RBMS2: variants seen among roughly 807,000 people sequenced by gnomAD.
RBMS2 encodes the protein RNA binding motif single stranded interacting protein 2.
RBMS2 carries 38 observed loss-of-function variants against 58.4 expected under a neutral mutation model. The ratio of observed to expected loss-of-function variants is 0.65; its 90% CI spans 0.50 to 0.85. The LOEUF (loss-of-function observed/expected upper bound fraction) is 0.85. RBMS2 is among the 40% of genes least tolerant of loss of function. RBMS2 has a pLI of 0.00. For synonymous variants in RBMS2, 151 were observed against 180.7 expected (o/e 0.84, Z 1.32); for missense variants, 367 against 503.7 (o/e 0.73, Z 2.60).
intron 9 of RBMS2, 43 bp from the exon 10 acceptor site, chr12:56,586,806 A>C: frequency 6.6e-7 from 1 of 1,514,766 alleles, no homozygotes; most frequent in East Asian, 2.3e-5. Context: ...GGGCTGAATA[A>C]TAGTTTCCAG....
rs117805790 is a variant in RBMS2, at chr12:56,531,168, T to G, written c.66+9079T>G. Among the ~76,000 whole-genome samples the G allele has an allele frequency of 3.0e-3, 456 of 152,308 alleles. 1 individual carries two copies. The highest frequency in any genetic ancestry group is 5.2e-3 in the Non-Finnish European group (353 of 68,028). ...TATTGGAATCATTTAGGTAATTGTC[T>G]TATCTTCATTGCTAGAGTGTAAGCT... On this transcript the variant is annotated intron_variant, in intron 1 of 13. Transcript: ENST00000262031.
In RBMS2 at chr12:56,595,408, A is replaced by G. The variant is rs1023937832; in HGVS notation, c.*6275A>G. The G allele has an allele frequency of 6.6e-6, 1 of 152,130 alleles. No individual in the cohort carries two copies. The highest frequency in any genetic ancestry group is 1.5e-5 in the Non-Finnish European group (1 of 68,016). 9.4% of individuals were successfully genotyped at this position (152,130 alleles called of 1,614,324 possible). A position where few individuals can be genotyped will look rare whatever the true frequency, so the allele number is the denominator to read the frequency against. ...AGAAAATGTTTATACTTAAACAGAC[A>G]TATTTTGCATATTTTTATCTGGAGA... is the stretch of plus-strand genomic sequence containing the variant. On this transcript the variant is annotated 3_prime_UTR_variant, in exon 14 of 14. Coordinates refer to ENST00000262031, the MANE Select transcript of RBMS2 (RefSeq NM_002898.4).
rs768885557 is a variant in RBMS2 at position 56,581,574 on chromosome 12, A to G, written c.732+66A>G. On this transcript the variant is annotated intron_variant, in intron 7 of 13. Coordinates refer to ENST00000262031, the MANE Select transcript of RBMS2 (RefSeq NM_002898.4). Reference sequence around the variant, plus strand: ...AAAGTGGAACGGAAATGATCATGGCATGATTTCTGTGAGCTTAGGTGGAAA... The same window carrying G: ...AAAGTGGAACGGAAATGATCATGGCGTGATTTCTGTGAGCTTAGGTGGAAA... The G allele has an allele frequency of 4.7e-6, 7 of 1,492,176 alleles. No homozygotes were observed. The Middle Eastern group carries it at 6.9e-4, about 147-fold the overall frequency. 92.4% of individuals were successfully genotyped at this position (1,492,176 alleles called of 1,614,324 possible).
chr12:56,575,264 C>G (rs1055075919), intron 5 of RBMS2, among the ~76,000 whole-genome samples: 1 of 145,574 alleles, frequency 6.9e-6, no homozygotes, highest in Admixed American at 6.9e-5. Flanking sequence ...CCCATCTCTA[C>G]AAAAACAAAA....
At chr12:56,546,738 G>A (rs1402375288) in intron 1 of RBMS2, among the ~76,000 whole-genome samples, 13 of 152,052 alleles carry the variant, frequency 8.5e-5, no homozygotes, top group Admixed American at 4.6e-4. Flanking sequence ...CAAAGTGCTG[G>A]GATTACAGGC....
rs993412275 is a variant in RBMS2, at chr12:56,542,117, A to T, written c.66+20028A>T. On this transcript the variant is annotated intron_variant, in intron 1 of 13. Coordinates refer to ENST00000262031, the MANE Select transcript of RBMS2 (RefSeq NM_002898.4). ...GGTGGAGTGCAGTAGCATGATCACC[A>T]CTCACTACAGCCTCAACCTCTGTGG... Among the ~76,000 whole-genome samples the T allele has an allele frequency of 5.3e-5, 8 of 151,928 alleles. No individual in the cohort carries two copies. In the East Asian group the frequency reaches 1.2e-3, roughly 22 times the overall value.
chr12:56,529,904 T>C (rs559647811), intron 1 of RBMS2, among the ~76,000 whole-genome samples: 31 of 152,266 alleles, frequency 2.0e-4, no homozygotes, highest in African/African-American at 6.7e-4. Flanking sequence ...CTAAGTACCA[T>C]TGAATTTATG....
intron 4 of RBMS2, among the ~76,000 whole-genome samples, chr12:56,571,135 C>A (rs1262664412): frequency 1.3e-5 from 2 of 152,154 alleles, no homozygotes; most frequent in African/African-American, 4.8e-5. Flanking sequence ...AGGAGTAAAA[C>A]CCTCTGACAA....
At chr12:56,522,229 T>G (rs1413333010) in intron 1 of RBMS2, 140 bp downstream of exon 1, 1 of 639,448 alleles carries the variant, frequency 1.6e-6, no homozygotes, top group East Asian at 3.1e-5. Flanking sequence ...GCTTCTCCCT[T>G]TTCCACTACT....
chr12:56,521,427 C>CAAAA (rs35413431), upstream of RBMS2, among the ~76,000 whole-genome samples: 2,856 of 91,110 alleles, frequency 0.031, 215 homozygotes, highest in East Asian at 0.25. Context: ...AACTCTGTCT[C>CAAAA]AAAAAAAAAA....
intron 5 of RBMS2, among the ~76,000 whole-genome samples, chr12:56,579,180 T>C (rs956981608): frequency 6.6e-6 from 1 of 152,120 alleles, no homozygotes; most frequent in Non-Finnish European, 1.5e-5. Flanking sequence ...AGATCAGATT[T>C]AACAGTTTTT....
chr12:56,584,507 C>T (rs1189447984), intron 9 of RBMS2, among the ~76,000 whole-genome samples: 2 of 151,646 alleles, frequency 1.3e-5, no homozygotes, highest in Admixed American at 6.6e-5. Context: ...CTTTTGAGGC[C>T]AGGCACGGTG....
At chr12:56,529,098 T>C (rs1039887713) in intron 1 of RBMS2, among the ~76,000 whole-genome samples, 2 of 151,862 alleles carry the variant, frequency 1.3e-5, no homozygotes, top group Non-Finnish European at 2.9e-5. Flanking sequence ...CCAAGAGAAA[T>C]GGAAACATAT....
At chr12:56,585,916 C>CTG (rs1884601073) in intron 9 of RBMS2, among the ~76,000 whole-genome samples, 2 of 152,224 alleles carry the variant, frequency 1.3e-5, no homozygotes, top group Admixed American at 1.3e-4. Context: ...TGCACTGTGG[C>CTG]TCATACCTGT....
In RBMS2 at chr12:56,581,478, T is replaced by A. The variant is rs1344540964; in HGVS notation, c.702T>A (p.Asn234Lys). ...AGAACCAAGGAAAATTTGTGCAAAA[T>A]GGACGGGCTTGGCCAAGGAATGCAG... is the stretch of plus-strand genomic sequence containing the variant. ...KRQNQGKFVQ[N>K]GRAWPRNADM... The change falls in exon 7 of 14, where the codon AAT (asparagine) becomes AAA (lysine). Residue 234 changes from asparagine to lysine, a missense_variant. Asn to Lys is a moderately conservative substitution (Grantham distance 94). Around this residue, in one of 3 missense-constraint regions of RBMS2, gnomAD observed 220 missense variants for 261.1 expected, o/e 0.84. Coordinates refer to ENST00000262031, the MANE Select transcript of RBMS2 (RefSeq NM_002898.4). 2 of 1,614,164 alleles carry A rather than the reference T, an allele frequency of 1.2e-6. No homozygotes were observed. The highest frequency in any genetic ancestry group is 1.7e-6 in the Non-Finnish European group (2 of 1,180,030).
At chr12:56,554,604 G>C (rs1477115890) in intron 1 of RBMS2, among the ~76,000 whole-genome samples, 1 of 152,142 alleles carries the variant, frequency 6.6e-6, no homozygotes, top group Non-Finnish European at 1.5e-5. Context: ...GGCAGGGTAA[G>C]AGCATCAAGA....
At chr12:56,567,592 T>A (rs1422775438) in intron 2 of RBMS2, among the ~76,000 whole-genome samples, 6 of 152,150 alleles carry the variant, frequency 3.9e-5, no homozygotes. Context: ...ATCCTAGCAC[T>A]TTTGGAGGCC....
At chr12:56,572,645 C>T in intron 5 of RBMS2, 2 of 280,682 alleles carry the variant, frequency 7.1e-6, no homozygotes, top group Non-Finnish European at 1.1e-5. Context: ...GATAAATATT[C>T]TCTATCTTAC....
At chr12:56,576,124 G>T (rs1470958647) in intron 5 of RBMS2, among the ~76,000 whole-genome samples, 3 of 152,038 alleles carry the variant, frequency 2.0e-5, no homozygotes, top group Non-Finnish European at 4.4e-5. Flanking sequence ...GATCACTTGA[G>T]ATCAGGAGGT....
Sources: allele counts gnomAD v4.1 joint callset (sites outside exome capture counted in the v4.1 genomes callset), GRCh38; gene constraint gnomAD v4.1.1; regional missense constraint gnomAD v4.1.1; transcripts MANE v1.5; gene names NCBI Gene and HGNC (gene_info 2026-07-23, HGNC 2026-07-21).